The following PXYLP1 variants were observed in gnomAD, a reference collection of about 807,000 sequenced individuals.
PXYLP1 encodes acid phosphatase-like 2.
In PXYLP1, 17 loss-of-function variants were observed where a neutral mutation model predicts 37.9. The ratio of observed to expected loss-of-function variants is 0.45; its 90% CI spans 0.31 to 0.67. The LOEUF (loss-of-function observed/expected upper bound fraction) is 0.67, where lower values mean the gene tolerates loss of function less well. Ranked by LOEUF, PXYLP1 falls within the 30% of genes least tolerant of loss-of-function variation. The probability of loss-of-function intolerance (pLI) is 0.07; values close to 1 mark genes in which losing one functional copy is unlikely to be tolerated. For synonymous variants in PXYLP1, 221 were observed against 232.2 expected (o/e 0.95, Z 0.44); for missense variants, 511 against 612.0 (o/e 0.84, Z 1.74).
intron 2 of PXYLP1, among the ~76,000 whole-genome samples, chr3:141,261,285 C>T (rs983267204): frequency 2.6e-5 from 4 of 152,162 alleles, no homozygotes; most frequent in Non-Finnish European, 5.9e-5. Context: ...TCCTGGATAG[C>T]TAGGACTGGA....
intron 2 of PXYLP1, among the ~76,000 whole-genome samples, chr3:141,260,949 T>G (rs1371893806): frequency 1.3e-5 from 2 of 152,244 alleles, no homozygotes; most frequent in African/African-American, 4.8e-5. Context: ...CCCTCTCTGC[T>G]GCTTCTGTGC....
At chr3:141,279,261 C>T in intron 3 of PXYLP1, 117 bp from the exon 4 acceptor site, 1 of 1,368,994 alleles carries the variant, frequency 7.3e-7, no homozygotes, top group Non-Finnish European at 1.0e-6. Flanking sequence ...ACGGTGGCCC[C>T]TGCTGCCTCC....
intron 5 of PXYLP1, among the ~76,000 whole-genome samples, chr3:141,291,949 C>T (rs1353540629): frequency 6.6e-6 from 1 of 152,194 alleles, no homozygotes; most frequent in Non-Finnish European, 1.5e-5. Context: ...TGGGTGACTT[C>T]GAACCCTGAG....
chr3:141,277,785 C>T (rs1467141449), intron 2 of PXYLP1, among the ~76,000 whole-genome samples: 1 of 152,182 alleles, frequency 6.6e-6, no homozygotes, highest in Non-Finnish European at 1.5e-5. Flanking sequence ...GGGAAGCTGG[C>T]CTGAAGTCAA....
chr3:141,239,198 G>C (rs767484868), intron 1 of PXYLP1, among the ~76,000 whole-genome samples: 2 of 152,158 alleles, frequency 1.3e-5, no homozygotes, highest in Non-Finnish European at 2.9e-5. Context: ...GGCTCCCCAG[G>C]TGCTCTGACT....
At chr3:141,260,433 G>A (rs1282918391) in intron 2 of PXYLP1, among the ~76,000 whole-genome samples, 179 bp downstream of exon 2, 1 of 152,236 alleles carries the variant, frequency 6.6e-6, no homozygotes, top group East Asian at 1.9e-4. Context: ...GCAGTGTTCT[G>A]TGTGCTCTTT....
chr3:141,239,668 C>T (rs1576573355), intron 1 of PXYLP1, among the ~76,000 whole-genome samples: 1 of 152,308 alleles, frequency 6.6e-6, no homozygotes, highest in South Asian at 2.1e-4. Flanking sequence ...TGCTTTTTAG[C>T]TTGAGAAGTG....
At chr3:141,255,795 G>A (rs1181956276) in intron 1 of PXYLP1, among the ~76,000 whole-genome samples, 2 of 152,240 alleles carry the variant, frequency 1.3e-5, no homozygotes, top group Admixed American at 1.3e-4. Context: ...GATGGAAAGG[G>A]GGAAAGGGAG....
At chr3:141,286,856 T>A (rs145567314) in intron 4 of PXYLP1, among the ~76,000 whole-genome samples, 123 of 152,256 alleles carry the variant, frequency 8.1e-4, no homozygotes, top group African/African-American at 2.8e-3. Flanking sequence ...ACCTAGGTAG[T>A]AGCTGTGAGG....
At chr3:141,274,861 A>G (rs183046042) in intron 2 of PXYLP1, among the ~76,000 whole-genome samples, 4 of 152,272 alleles carry the variant, frequency 2.6e-5, no homozygotes, top group Non-Finnish European at 5.9e-5. Context: ...GATCAGTTAC[A>G]GTGTTGGTCA....
intron 4 of PXYLP1, among the ~76,000 whole-genome samples, chr3:141,284,574 C>T (rs1942028731): frequency 6.6e-6 from 1 of 152,086 alleles, no homozygotes; most frequent in East Asian, 1.9e-4. Flanking sequence ...CCTTGGATAC[C>T]AGAATCTGAG....
At chr3:141,252,923 T>A (rs895576367) in intron 1 of PXYLP1, among the ~76,000 whole-genome samples, 4 of 152,116 alleles carry the variant, frequency 2.6e-5, no homozygotes, top group Non-Finnish European at 5.9e-5. Context: ...TCCTTCAATA[T>A]GTTGCCCCTG....
At chr3:141,258,298 C>G (rs894502270) in intron 1 of PXYLP1, 1 of 152,380 alleles carries the variant, frequency 6.6e-6, no homozygotes, top group Admixed American at 6.5e-5. Flanking sequence ...TGCAGGAGAA[C>G]ATGTGTACGT....
Position 141,242,262 on chromosome 3 carries a change from A to C in PXYLP1, c.-54+10351A>C, listed in dbSNP as rs535506391. 1.8e-4 allele frequency among the ~76,000 whole-genome samples: 28 copies of C among 152,236 alleles called. 1 individual carries two copies. The South Asian group carries it at 3.7e-3, about 20-fold the overall frequency. The stretch of plus-strand genomic sequence containing the variant: ...GCTCAATCCTGAAATCCACCAAATG[A>C]GGGCTCGCCTTGCCACAGACTGGCC... On this transcript the variant is annotated intron_variant, in intron 1 of 5. Transcript: ENST00000286353.
chr3:141,257,937 GAGAA>G (rs1202107022), intron 1 of PXYLP1, among the ~76,000 whole-genome samples: 2 of 148,738 alleles, frequency 1.3e-5, no homozygotes, highest in East Asian at 2.0e-4. Context: ...GAGAGAGAGA[GAGAA>G]AGAAAGAAGA....
chr3:141,234,744 G>A (rs11914819), intron 1 of PXYLP1: 36 of 152,286 alleles, frequency 2.4e-4, no homozygotes, highest in African/African-American at 8.2e-4. Flanking sequence ...TGCTGAGGGG[G>A]TGGGAACACC....
At chr3:141,275,774 A>AACACAAT (rs1345894122) in intron 2 of PXYLP1, among the ~76,000 whole-genome samples, 1 of 136,858 alleles carries the variant, frequency 7.3e-6, no homozygotes, top group East Asian at 2.1e-4. Flanking sequence ...AACACAAGTA[A>AACACAAT]TGAAGGGAAA....
At chr3:141,262,180 A>G (rs1334364595) in intron 2 of PXYLP1, 4 of 634,210 alleles carry the variant, frequency 6.3e-6, no homozygotes, top group Non-Finnish European at 7.9e-6. Context: ...TTCCATGTAC[A>G]TGCATATGAC....
intron 2 of PXYLP1, among the ~76,000 whole-genome samples, chr3:141,275,051 T>C (rs1941760390): frequency 6.6e-6 from 1 of 152,166 alleles, no homozygotes; most frequent in South Asian, 2.1e-4. Flanking sequence ...AGGACCTGTT[T>C]TGAATGCCTG....
Sources: allele counts gnomAD v4.1 joint callset (sites outside exome capture counted in the v4.1 genomes callset), GRCh38; gene constraint gnomAD v4.1.1; transcripts MANE v1.5; gene names NCBI Gene and HGNC (gene_info 2026-07-23, HGNC 2026-07-21).